Variants in BCAS2 observed in about 807,000 individuals in gnomAD.
BCAS2 encodes the protein BCAS2 pre-mRNA processing factor.
In BCAS2, 34 loss-of-function variants were observed where a neutral mutation model predicts 35.3. The ratio of observed to expected loss-of-function variants is 0.96; its 90% CI spans 0.73 to 1.28. The LOEUF is 1.28. Among genes scored for constraint, BCAS2 ranks in the 50% most tolerant of loss-of-function variants. The pLI is 0.00. For missense variants in BCAS2, 221 were observed against 268.1 expected (o/e 0.82, Z 1.23); for synonymous variants, 75 against 91.6 (o/e 0.82, Z 1.03).
At chr1:114,574,589 T>TA (rs1480666189) in intron 4 of BCAS2, among the ~76,000 whole-genome samples, 5 of 152,230 alleles carry the variant, frequency 3.3e-5, no homozygotes, top group African/African-American at 1.2e-4. Context: ...TCATAGGACT[T>TA]AAAGAACATA....
At chr1:114,572,693 A>C (rs1188920546) in intron 4 of BCAS2, among the ~76,000 whole-genome samples, 1 of 152,238 alleles carries the variant, frequency 6.6e-6, no homozygotes, top group Admixed American at 6.5e-5. Context: ...TTTGGGTATA[A>C]CAGGTAAAGA....
intron 2 of BCAS2, among the ~76,000 whole-genome samples, chr1:114,580,397 T>C (rs535029085): frequency 6.6e-6 from 1 of 152,336 alleles, no homozygotes; most frequent in African/African-American, 2.4e-5. Flanking sequence ...TACTTCAAGG[T>C]TATACATTTA....
intron 6 of BCAS2, 38 bp from the exon 7 acceptor site, chr1:114,568,294 T>C (rs1654567802): frequency 6.3e-7 from 1 of 1,596,870 alleles, no homozygotes; most frequent in South Asian, 1.1e-5. Flanking sequence ...AATTACTCAA[T>C]GTAAAACTTC....
intron 4 of BCAS2, among the ~76,000 whole-genome samples, chr1:114,573,995 C>T (rs1386577181): frequency 6.6e-6 from 1 of 152,136 alleles, no homozygotes; most frequent in African/African-American, 2.4e-5. Context: ...TGGCCTTTTT[C>T]TCTTAAATTG....
chr1:114,577,681 G>A (rs531696015), intron 2 of BCAS2, among the ~76,000 whole-genome samples: 82 of 152,274 alleles, frequency 5.4e-4, no homozygotes, highest in African/African-American at 1.9e-3. Flanking sequence ...CTGTTCGCAA[G>A]TAAATGTAGT....
intron 2 of BCAS2, among the ~76,000 whole-genome samples, chr1:114,579,916 T>C (rs1226688945): frequency 6.6e-6 from 1 of 151,772 alleles, no homozygotes; most frequent in Non-Finnish European, 1.5e-5. Context: ...GTTACTTTAA[T>C]GTAAATAATA....
In BCAS2 at chr1:114,576,431, TTTATTATTATTA is replaced by T. The variant is rs147601064; in HGVS notation, c.257+245_257+256del. 4.7e-4 allele frequency among the ~76,000 whole-genome samples: 69 copies of T among 147,054 alleles called. 1 individual carries two copies. The highest frequency in any genetic ancestry group is 1.0e-4 in the Non-Finnish European group (7 of 67,124). ...GTGCGTGCCACCACACCCAGGTACG[TTTATTATTATTA>T]TTATTATTATTATTAATTATTTTTG... On this transcript the variant is annotated intron_variant, in intron 3 of 6. Transcript: ENST00000369541.
chr1:114,570,194 CTAA>C, intron 5 of BCAS2, 122 bp from the exon 6 acceptor site: 2 of 672,598 alleles, frequency 3.0e-6, no homozygotes, highest in South Asian at 2.0e-5. Flanking sequence ...CAGTTATAGG[CTAA>C]CTGTAGAAAT....
rs762953689 is a variant in BCAS2, at chr1:114,568,227, T to C, written c.581A>G (p.Glu194Gly). The change falls in exon 7 of 7, where the codon GAG becomes GGG. Residue 194 changes from glutamate (E) to glycine (G), a missense_variant. Coordinates refer to ENST00000369541, the MANE Select transcript of BCAS2 (RefSeq NM_005872.3). ...NWVSLVSKNY[E>G]IERTIVQLEN... ...TAGCTGAACAATAGTCCGTTCAATC[T>C]CATAATTCTTACTGACCAGGGATAC... 1.9e-6 allele frequency: 3 copies of C among 1,614,006 alleles called. No homozygotes were observed. The highest frequency in any genetic ancestry group is 2.5e-6 in the Non-Finnish European group (3 of 1,179,936).
At chr1:114,581,425 G>A (rs1362033215) in intron 1 of BCAS2, 34 bp from the exon 2 acceptor site, 6 of 1,613,836 alleles carry the variant, frequency 3.7e-6, no homozygotes, top group Middle Eastern at 1.6e-4. Flanking sequence ...GGTAGAAGTG[G>A]CAAATTGTAA....
rs1654775393 is a variant in BCAS2 at position 114,576,685 on chromosome 1, T to C, written c.257+3A>G. ...ATTTTAATTTCCATTTTAATATTCT[T>C]ACCGTTTCATACTGAGCAATTCAAT... is the stretch of plus-strand genomic sequence containing the variant. On this transcript the variant is annotated splice_donor_region_variant and intron_variant, in intron 3 of 6. Transcript: ENST00000369541. 1.2e-6 allele frequency: 2 copies of C among 1,602,866 alleles called. No individual in the cohort carries two copies. Among genetic ancestry groups the C allele is most frequent in the Admixed American group, 1.7e-5 (1 of 59,692 alleles).
At chr1:114,574,869 G>GT (rs1005124964) in intron 4 of BCAS2, among the ~76,000 whole-genome samples, 2 of 151,816 alleles carry the variant, frequency 1.3e-5, no homozygotes, top group Non-Finnish European at 2.9e-5. Context: ...ACTTTGTGGG[G>GT]TTTTTTTGTT....
In BCAS2 at chr1:114,568,212, A is replaced by G. The variant is rs1225654189; in HGVS notation, c.596T>C (p.Ile199Thr). ...ATAGATTTCATTTTCTAGCTGAACA[A>G]TAGTCCGTTCAATCTCATAATTCTT... ...VSKNYEIERTIVQLENEIYQI... is the reference protein window; with the variant it reads ...VSKNYEIERTTVQLENEIYQI... Residue 199 changes from isoleucine (I) to threonine (T), a missense_variant, in exon 7 of 7, where the codon ATT becomes ACT. Physicochemically the swap from Ile to Thr is moderately conservative, Grantham distance 89. Coordinates refer to ENST00000369541, the MANE Select transcript of BCAS2 (RefSeq NM_005872.3). 1.2e-6 allele frequency: 2 copies of G among 1,613,892 alleles called. No individual in the cohort carries two copies. The highest frequency in any genetic ancestry group is 2.7e-5 in the African/African-American group (2 of 74,918).
chr1:114,575,744 G>A lies in BCAS2; in HGVS notation c.265C>T (p.Leu89Phe). The change falls in exon 4 of 7, where the codon CTT becomes TTT. Residue 89 changes from leucine to phenylalanine, a missense_variant. Leu to Phe is a conservative substitution (Grantham distance 22, BLOSUM62 0). Transcript: ENST00000369541. ...IELLSMKRYE[L>F]PAPSSGQKND... ...TTTTGACCAGAGGAGGGGGCTGGAA[G>A]CTCATATCTGAAATTAAACAACAAA... The A allele has an allele frequency of 1.9e-6, 3 of 1,610,710 alleles. No homozygotes were observed. Among genetic ancestry groups the A allele is most frequent in the Non-Finnish European group, 2.5e-6 (3 of 1,179,232 alleles).
intron 4 of BCAS2, among the ~76,000 whole-genome samples, chr1:114,571,994 CTTTT>C (rs1021289139): frequency 1.3e-5 from 2 of 152,142 alleles, no homozygotes; most frequent in African/African-American, 2.4e-5. Context: ...ATTTTAATCT[CTTTT>C]TTAAGTTTAA....
In BCAS2 at chr1:114,578,572, A is replaced by G. The variant is rs1654822543; in HGVS notation, c.187-1814T>C. Among the ~76,000 whole-genome samples the G allele has an allele frequency of 2.0e-5, 3 of 152,318 alleles. No homozygotes were observed. In the South Asian group the frequency reaches 6.2e-4, roughly 32 times the overall value. On this transcript the variant is annotated intron_variant, in intron 2 of 6. Transcript: ENST00000369541. ...GGAGCGGCAAGGGCAATCCCTGCTC[A>G]TGGAGTAGTCTCATCTTAGCTTTGA...
At position 114,568,032 on chromosome 1, in the gene BCAS2, A is replaced by G. The variant is rs1654560527; in HGVS notation, c.*98T>C. ...ATGATTTCTAAACACTTAAACATCA[A>G]TGGTTTTGGGAAGATGCTGTTGTCC... On this transcript the variant is annotated 3_prime_UTR_variant, in exon 7 of 7. Transcript: ENST00000369541. The G allele has an allele frequency of 1.6e-5, 24 of 1,483,358 alleles. No homozygotes were observed. Among genetic ancestry groups the G allele is most frequent in the Non-Finnish European group, 1.9e-5 (21 of 1,081,548 alleles). The allele number at this position is 1,483,358 out of a possible 1,614,324, so 91.9% of individuals were successfully genotyped here.
chr1:114,568,766 T>TC (rs2101625357), intron 6 of BCAS2, among the ~76,000 whole-genome samples: 1 of 142,226 alleles, frequency 7.0e-6, no homozygotes, highest in East Asian at 2.0e-4. Flanking sequence ...TTTTTTTTTT[T>TC]TTTTTTTTTT....
intron 2 of BCAS2, among the ~76,000 whole-genome samples, chr1:114,577,366 T>C (rs951704135): frequency 3.5e-5 from 5 of 142,552 alleles, no homozygotes; most frequent in African/African-American, 1.3e-4. Context: ...AAATAATTTA[T>C]TTATTTATTT....
Sources: allele counts gnomAD v4.1 joint callset (sites outside exome capture counted in the v4.1 genomes callset), GRCh38; gene constraint gnomAD v4.1.1; transcripts MANE v1.5; gene names NCBI Gene and HGNC (gene_info 2026-07-23, HGNC 2026-07-21).